FER1L6: variants seen among roughly 807,000 people sequenced by gnomAD.
FER1L6 encodes the protein fer-1 like family member 6, also known as fer-1-like protein 6.
Under a neutral mutation model 219.2 loss-of-function variants are expected in FER1L6, and 177 were observed. The observed-to-expected ratio is 0.81, with a 90% confidence interval of 0.71 to 0.91. The LOEUF (loss-of-function observed/expected upper bound fraction) is 0.91. Ranked by LOEUF, FER1L6 falls within the 40% of genes least tolerant of loss-of-function variation. The pLI, the probability that FER1L6 is intolerant of heterozygous loss-of-function variation, is 0.00. For synonymous variants in FER1L6, 768 were observed against 824.3 expected, an observed-to-expected ratio of 0.93 and a Z score of 1.17; for missense variants, 2,153 against 2,259.9, an observed-to-expected ratio of 0.95 and a Z score of 0.96.
Position 124,049,715 on chromosome 8 carries a change from C to A in FER1L6, c.2833C>A (p.Leu945Ile). Reference protein sequence around the residue: ...LCYHPIFCGNLSGGDLLAVFE... With the variant: ...LCYHPIFCGNISGGDLLAVFE... ...CTATCACCCCATCTTTTGTGGGAATCTCTCTGGAGGGGATCTCCTTGCTGT... is the reference window on the plus strand; with the variant it reads ...CTATCACCCCATCTTTTGTGGGAATATCTCTGGAGGGGATCTCCTTGCTGT... Residue 945 changes from leucine (L) to isoleucine (I), a missense_variant, in exon 22 of 41, where the codon CTC (leucine) becomes ATC (isoleucine). Coordinates refer to ENST00000522917, the MANE Select transcript of FER1L6 (RefSeq NM_001039112.2). 6.2e-7 allele frequency: 1 copy of A among 1,614,098 alleles called. No individual in the cohort carries two copies. Among genetic ancestry groups the A allele is most frequent in the African/African-American group, 1.3e-5 (1 of 75,028 alleles).
At chr8:123,871,848 G>A (rs1252283867) in intron 1 of FER1L6, among the ~76,000 whole-genome samples, 3 of 152,278 alleles carry the variant, frequency 2.0e-5, no homozygotes, top group Middle Eastern at 3.4e-3. Flanking sequence ...GATAAGTCAC[G>A]TTGATAGTAT....
chr8:124,077,705 A>T (rs73330144), intron 32 of FER1L6, among the ~76,000 whole-genome samples: 5,279 of 152,298 alleles, frequency 0.035, 292 homozygotes, highest in African/African-American at 0.12. Flanking sequence ...CTATATGGCC[A>T]TGGCAAACGA....
At chr8:123,983,980 A>G (rs1296844956) in intron 11 of FER1L6, among the ~76,000 whole-genome samples, 3 of 152,182 alleles carry the variant, frequency 2.0e-5, no homozygotes, top group Non-Finnish European at 4.4e-5. Context: ...TCTGACACAT[A>G]GTAAGAGGTC....
At chr8:124,069,697 A>G (rs1245198278) in intron 29 of FER1L6, among the ~76,000 whole-genome samples, 5 of 152,178 alleles carry the variant, frequency 3.3e-5, no homozygotes, top group African/African-American at 1.2e-4. Flanking sequence ...TGTAACTTAA[A>G]TTGTTTAATG....
intron 1 of FER1L6, among the ~76,000 whole-genome samples, chr8:123,938,772 T>C (rs2129977406): frequency 6.6e-6 from 1 of 152,116 alleles, no homozygotes; most frequent in Non-Finnish European, 1.5e-5. Flanking sequence ...GGCCTCAAAC[T>C]CCTGAGCTCA....
At chr8:124,023,673 C>G in intron 18 of FER1L6, 77 bp downstream of exon 18, 1 of 1,478,732 alleles carries the variant, frequency 6.8e-7, no homozygotes. Flanking sequence ...TAGTGTGTGT[C>G]CATGGCTCTG....
At chr8:124,118,756 T>G (rs1563811011) in intron 39 of FER1L6, 88 bp from the exon 40 acceptor site, 1 of 1,096,900 alleles carries the variant, frequency 9.1e-7, no homozygotes, top group Non-Finnish European at 1.3e-6. Context: ...TTTCTGGAAT[T>G]CTCCAACTTG....
At chr8:124,081,490 C>G (rs913420266) in intron 32 of FER1L6, among the ~76,000 whole-genome samples, 1 of 150,828 alleles carries the variant, frequency 6.6e-6, no homozygotes, top group African/African-American at 2.4e-5. Context: ...TTCAATTTAT[C>G]TATAAAATGA....
chr8:123,928,314 A>G (rs1813642175), intron 1 of FER1L6, among the ~76,000 whole-genome samples: 1 of 152,148 alleles, frequency 6.6e-6, no homozygotes. Context: ...CCTTTAAAGG[A>G]AATTTAAACT....
intron 32 of FER1L6, among the ~76,000 whole-genome samples, chr8:124,079,189 C>T (rs75142906): frequency 5.2e-4 from 79 of 152,316 alleles, no homozygotes; most frequent in African/African-American, 1.9e-3. Context: ...TATTGCATTA[C>T]AGCCCATCCT....
chr8:123,984,365 C>CT (rs1816462703), intron 11 of FER1L6: 1 of 152,282 alleles, frequency 6.6e-6, no homozygotes, highest in South Asian at 2.1e-4. Flanking sequence ...CTTCTCTGGG[C>CT]TACATGGCCT....
chr8:123,896,979 T>A (rs1586447355), intron 1 of FER1L6, among the ~76,000 whole-genome samples: 1 of 152,318 alleles, frequency 6.6e-6, no homozygotes, highest in South Asian at 2.1e-4. Flanking sequence ...GTGTTCTCCA[T>A]CTTGGAGGTG....
rs1425127195 is a variant in FER1L6, at chr8:124,061,128, T to C, written c.3147+419T>C. On this transcript the variant is annotated intron_variant, in intron 24 of 40. Transcript: ENST00000522917. ...ATTTGAGAACCACTGGCCTAGAAAATACTGTAATAAGATTTATTTTAATGG... is the reference window on the plus strand; with the variant it reads ...ATTTGAGAACCACTGGCCTAGAAAACACTGTAATAAGATTTATTTTAATGG... Among the ~76,000 whole-genome samples, 3 of 152,174 alleles carry C rather than the reference T, an allele frequency of 2.0e-5. No individual in the cohort carries two copies. In the East Asian group the frequency reaches 5.8e-4, roughly 29 times the overall value.
chr8:124,030,062 A>T lies in FER1L6; in HGVS notation c.2287-5215A>T, dbSNP rs571302266. Among the ~76,000 whole-genome samples, 9 of 152,308 alleles carry T rather than the reference A, an allele frequency of 5.9e-5. No homozygotes were observed. In the South Asian group the frequency reaches 1.9e-3, roughly 32 times the overall value. On this transcript the variant is annotated intron_variant, in intron 18 of 40. Transcript: ENST00000522917. Reference sequence around the variant, plus strand: ...CTCGTTTGTGTCAGGTTTGTCAAAGATCAGATGGTTGTAGATGTGTGGTGT... The same window carrying T: ...CTCGTTTGTGTCAGGTTTGTCAAAGTTCAGATGGTTGTAGATGTGTGGTGT...
chr8:123,883,903 G>A (rs906520137), intron 1 of FER1L6, among the ~76,000 whole-genome samples: 20 of 152,134 alleles, frequency 1.3e-4, no homozygotes, highest in African/African-American at 4.6e-4. Flanking sequence ...AATACTTCAC[G>A]TTACAATACT....
intron 1 of FER1L6, among the ~76,000 whole-genome samples, chr8:123,952,822 T>G (rs201172502): frequency 4.8e-4 from 73 of 152,280 alleles, no homozygotes; most frequent in African/African-American, 1.7e-3. Flanking sequence ...TTTATACAGG[T>G]GTAAAAAAAT....
chr8:123,912,250 C>T (rs1185590783), intron 1 of FER1L6, among the ~76,000 whole-genome samples: 2 of 150,196 alleles, frequency 1.3e-5, no homozygotes, highest in African/African-American at 4.9e-5. Context: ...AAACTGAGAC[C>T]CAGGGACATT....
At chr8:123,896,199 A>C (rs1398234816) in intron 1 of FER1L6, among the ~76,000 whole-genome samples, 1 of 152,222 alleles carries the variant, frequency 6.6e-6, no homozygotes, top group African/African-American at 2.4e-5. Context: ...GCTGTGGGTT[A>C]CACAGGGAAA....
chr8:123,988,349 AT>A (rs2130391279), intron 12 of FER1L6, among the ~76,000 whole-genome samples: 1 of 152,208 alleles, frequency 6.6e-6, no homozygotes, highest in South Asian at 2.1e-4. Flanking sequence ...ATTTTTTTCT[AT>A]TTCTATGAAG....
Sources: allele counts gnomAD v4.1 joint callset (sites outside exome capture counted in the v4.1 genomes callset), GRCh38; gene constraint gnomAD v4.1.1; transcripts MANE v1.5; gene names NCBI Gene and HGNC (gene_info 2026-07-23, HGNC 2026-07-21).